The following KAZN variants were observed in gnomAD, a reference collection of about 807,000 sequenced individuals.
KAZN encodes kazrin.
Under a neutral mutation model 87.4 loss-of-function variants are expected in KAZN, and 40 were observed. The observed-to-expected ratio is 0.46, with a 90% CI of 0.36 to 0.60. The LOEUF is 0.60. Ranked by LOEUF, KAZN falls within the 20% of genes least tolerant of loss-of-function variation. The pLI is 0.00. For synonymous variants in KAZN, 466 were observed against 458.3 expected (o/e 1.02, Z -0.22); for missense variants, 898 against 1,073.9 (o/e 0.84, Z 2.29).
intron 2 of KAZN, among the ~76,000 whole-genome samples, chr1:14,357,407 C>A (rs188161717): frequency 3.3e-5 from 5 of 152,182 alleles, no homozygotes; most frequent in Admixed American, 2.6e-4. Flanking sequence ...ATTGGAATAC[C>A]CTTTATTTCT....
intron 1 of KAZN, among the ~76,000 whole-genome samples, chr1:14,041,065 T>C (rs1185349397): frequency 2.0e-5 from 3 of 152,200 alleles, no homozygotes; most frequent in Non-Finnish European, 4.4e-5. Context: ...AGCTTCACTT[T>C]GCTCCTCAGA....
At chr1:13,971,958 C>T (rs1226694924) in intron 1 of KAZN, among the ~76,000 whole-genome samples, 2 of 152,190 alleles carry the variant, frequency 1.3e-5, no homozygotes, top group Non-Finnish European at 2.9e-5. Flanking sequence ...GCTGATGCTG[C>T]CATGCTTCCC....
intron 2 of KAZN, among the ~76,000 whole-genome samples, chr1:14,997,204 CATTT>C (rs35436643): frequency 0.56 from 66,140 of 118,870 alleles, 18,040 homozygotes; most frequent in Non-Finnish European, 0.68. Flanking sequence ...TTCTTTCTTT[CATTT>C]ATTTATTTAT....
intron 1 of KAZN, among the ~76,000 whole-genome samples, chr1:14,174,478 A>C (rs1009786168): frequency 2.0e-5 from 3 of 152,208 alleles, no homozygotes; most frequent in Non-Finnish European, 2.9e-5. Context: ...TGTTGGGAGC[A>C]GTTTTGCGGA....
chr1:14,070,787 G>A (rs142503885), intron 1 of KAZN, among the ~76,000 whole-genome samples: 11 of 152,238 alleles, frequency 7.2e-5, no homozygotes, highest in Admixed American at 1.3e-4. Flanking sequence ...AATGCCAACA[G>A]CTAAATGTAC....
chr1:13,913,551 C>T (rs1426921365), intron 1 of KAZN, among the ~76,000 whole-genome samples: 3 of 152,090 alleles, frequency 2.0e-5, no homozygotes, highest in African/African-American at 7.2e-5. Flanking sequence ...CCATTCTTCC[C>T]AAGGGCTCCT....
At chr1:14,911,366 A>T (rs2807563) in intron 1 of KAZN, among the ~76,000 whole-genome samples, 6 of 152,198 alleles carry the variant, frequency 3.9e-5, no homozygotes, top group Non-Finnish European at 7.3e-5. Context: ...GGGACTTGAA[A>T]GAGCGAGCAC....
chr1:14,460,543 G>A (rs1357513121), intron 2 of KAZN, among the ~76,000 whole-genome samples: 1 of 152,166 alleles, frequency 6.6e-6, no homozygotes, highest in East Asian at 1.9e-4. Context: ...GCATGTCTGT[G>A]AACCTGTGCC....
chr1:14,164,566 G>T (rs12046735), intron 1 of KAZN, among the ~76,000 whole-genome samples: 4 of 127,360 alleles, frequency 3.1e-5, no homozygotes, highest in East Asian at 2.4e-4. Context: ...TTGAGATGGA[G>T]TTTTGCTCTT....
chr1:14,732,230 C>A (rs57769860), intron 1 of KAZN, among the ~76,000 whole-genome samples: 20,514 of 152,128 alleles, frequency 0.13, 1,438 homozygotes, highest in Non-Finnish European at 0.15. Context: ...CCACCAAGAC[C>A]AGTGCAGAAT....
chr1:14,106,978 T>G, intron 1 of KAZN, among the ~76,000 whole-genome samples: 1 of 38,992 alleles, frequency 2.6e-5, no homozygotes, highest in East Asian at 9.2e-4. Context: ...CCCTCCCTCC[T>G]TCTCTCCCTC....
chr1:14,728,033 C>G (rs1643487739), intron 1 of KAZN, among the ~76,000 whole-genome samples: 1 of 151,778 alleles, frequency 6.6e-6, no homozygotes, highest in Admixed American at 6.6e-5. Context: ...CGCCTGTAAT[C>G]CCAGCACTTT....
At chr1:14,464,168 G>A (rs1245435540) in intron 2 of KAZN, among the ~76,000 whole-genome samples, 1 of 152,208 alleles carries the variant, frequency 6.6e-6, no homozygotes, top group Non-Finnish European at 1.5e-5. Flanking sequence ...CTGGACTACT[G>A]TTTTGTCATG....
chr1:13,948,727 A>G (rs1257859291), intron 1 of KAZN, among the ~76,000 whole-genome samples: 3 of 152,086 alleles, frequency 2.0e-5, no homozygotes, highest in African/African-American at 7.2e-5. Flanking sequence ...TCCTGTTGCA[A>G]TGATGCTCAG....
intron 2 of KAZN, among the ~76,000 whole-genome samples, chr1:14,552,217 C>T (rs746030999): frequency 1.8e-4 from 27 of 152,174 alleles, no homozygotes; most frequent in Non-Finnish European, 3.7e-4. Context: ...TCTCCCTTTG[C>T]CACCATCCTC....
chr1:14,175,674 G>C (rs145060730), intron 1 of KAZN, among the ~76,000 whole-genome samples: 217 of 152,310 alleles, frequency 1.4e-3, no homozygotes, highest in Non-Finnish European at 2.7e-3. Context: ...CCTACTTAGA[G>C]TGAAAAGCAA....
intron 2 of KAZN, among the ~76,000 whole-genome samples, chr1:14,335,106 G>GCCCCCCCC (rs35092746): frequency 1.4e-5 from 2 of 146,120 alleles, no homozygotes; most frequent in Non-Finnish European, 3.0e-5. Context: ...ATGACTCGGT[G>GCCCCCCCC]CCCCCCCCCC....
At chr1:14,233,563 C>T (rs544229793) in intron 2 of KAZN, among the ~76,000 whole-genome samples, 9 of 152,178 alleles carry the variant, frequency 5.9e-5, no homozygotes, top group South Asian at 2.1e-4. Flanking sequence ...AATTATCCCC[C>T]GGAATATGAA....
intron 1 of KAZN, among the ~76,000 whole-genome samples, chr1:13,903,215 T>G (rs1412805406): frequency 6.6e-6 from 1 of 152,232 alleles, no homozygotes; most frequent in Non-Finnish European, 1.5e-5. Flanking sequence ...CAGACCTTGA[T>G]GAAGAACCCA....
Sources: allele counts gnomAD v4.1 joint callset (sites outside exome capture counted in the v4.1 genomes callset), GRCh38; gene constraint gnomAD v4.1.1; transcripts MANE v1.5; gene names NCBI Gene and HGNC (gene_info 2026-07-23, HGNC 2026-07-21).